The following SGCG variants were observed in gnomAD, a reference collection of about 807,000 sequenced individuals.
SGCG encodes sarcoglycan gamma, also known as gamma-sarcoglycan.
A neutral mutation model predicts 29.3 loss-of-function variants in SGCG; 26 were observed. That is an observed-to-expected ratio of 0.89 (90% CI 0.65 to 1.23). SGCG has a LOEUF of 1.23. SGCG is among the 50% of genes most tolerant of loss of function. The pLI is 0.00. For missense variants in SGCG, 353 were observed against 356.0 expected, an observed-to-expected ratio of 0.99 and a Z score of 0.07; for synonymous variants, 145 against 129.7, an observed-to-expected ratio of 1.12 and a Z score of -0.80.
intron 1 of SGCG, among the ~76,000 whole-genome samples, chr13:23,187,909 G>C (rs1877057341): frequency 6.6e-6 from 1 of 152,208 alleles, no homozygotes; most frequent in Admixed American, 6.5e-5. Context: ...GGCATGGCCT[G>C]ATTCCAAACT....
At chr13:23,188,133 G>A (rs578196) in intron 1 of SGCG, among the ~76,000 whole-genome samples, 117,923 of 151,980 alleles carry the variant, frequency 0.78, 46,483 homozygotes, top group East Asian at 0.93. Flanking sequence ...AAGTGGTCTA[G>A]GAGGCATCAT....
At position 23,235,082 on chromosome 13, in the gene SGCG, G is replaced by A. The variant is rs184754205; in HGVS notation, c.297+370G>A. On this transcript the variant is annotated intron_variant, in intron 3 of 7. Coordinates refer to ENST00000218867, the MANE Select transcript of SGCG (RefSeq NM_000231.3). The stretch of plus-strand genomic sequence containing the variant: ...ATCTAAGAAGCTTAGAAAGAAATTC[G>A]TTTCAGCTGGGCGCGGTGGCTCACG... 4.2e-3 allele frequency among the ~76,000 whole-genome samples: 645 copies of A among 152,242 alleles called. 1 individual carries two copies. The highest frequency in any genetic ancestry group is 7.3e-3 in the South Asian group (35 of 4,822).
At position 23,277,674 on chromosome 13, in the gene SGCG, A is replaced by G. The variant is rs56886634; in HGVS notation, c.386-1685A>G. 9.0e-3 allele frequency among the ~76,000 whole-genome samples: 1,357 copies of G among 151,324 alleles called. 20 individuals are homozygous for G. The highest frequency in any genetic ancestry group is 0.031 in the African/African-American group (1,268 of 41,244). On this transcript the variant is annotated intron_variant, in intron 4 of 7. Coordinates refer to ENST00000218867, the MANE Select transcript of SGCG (RefSeq NM_000231.3). ...GGACACACACAAAAAAAATTATAAC[A>G]TATGACTTATTTTCTCAACTTCCTT...
rs1367811510 is a variant in SGCG, at chr13:23,234,596, T to C, written c.196-15T>C. 10 of 1,544,568 alleles carry C rather than the reference T, an allele frequency of 6.5e-6. No homozygotes were observed. The highest frequency in any genetic ancestry group is 8.0e-6 in the Non-Finnish European group (9 of 1,119,784). ...AATAAAAATATACGCATTGTCTCTT[T>C]TTTTTTTTTAACAGGCAGGAATGGG... On this transcript the variant is annotated splice_polypyrimidine_tract_variant and intron_variant, in intron 2 of 7. Transcript: ENST00000218867.
intron 2 of SGCG, among the ~76,000 whole-genome samples, chr13:23,229,021 C>T (rs1247393701): frequency 1.3e-5 from 2 of 152,158 alleles, no homozygotes; most frequent in Non-Finnish European, 2.9e-5. Context: ...AGGCATGCGC[C>T]ACCACACCCA....
intron 4 of SGCG, among the ~76,000 whole-genome samples, chr13:23,265,549 G>T (rs568806227): frequency 4.1e-4 from 63 of 152,266 alleles, no homozygotes; most frequent in Non-Finnish European, 8.2e-4. Context: ...CTGCACTCCA[G>T]CCTGGAGACA....
upstream of SGCG, among the ~76,000 whole-genome samples, chr13:23,180,669 G>GT (rs1346725958): frequency 1.4e-4 from 22 of 152,260 alleles, no homozygotes; most frequent in Admixed American, 7.2e-4. Context: ...TTGAGGTAAA[G>GT]TTTTTTTAAG....
At chr13:23,171,752 T>C in the SGCG span, among the ~76,000 whole-genome samples, 2 of 152,060 alleles carry the variant, frequency 1.3e-5, no homozygotes, top group South Asian at 2.1e-4. Flanking sequence ...CACAATAGGG[T>C]TCACACTCCT....
intron 2 of SGCG, among the ~76,000 whole-genome samples, chr13:23,223,785 G>C (rs758301532): frequency 1.3e-3 from 198 of 152,026 alleles, no homozygotes; most frequent in Middle Eastern, 3.4e-3. Context: ...GACCAACATG[G>C]TGAAACCCCG....
At position 23,320,618 on chromosome 13, in the gene SGCG, C is replaced by CTT; in HGVS notation, c.579-18_579-17dup. 2 of 928,552 alleles carry CTT rather than the reference C, an allele frequency of 2.2e-6. No individual in the cohort carries two copies. Among genetic ancestry groups the CTT allele is most frequent in the Admixed American group, 3.1e-5 (1 of 32,146 alleles). 57.5% of individuals were successfully genotyped at this position (928,552 alleles called of 1,614,324 possible). A position where few individuals can be genotyped will look rare whatever the true frequency, so the allele number is the denominator to read the frequency against. ...AATACTTTTTTTTTTTTTTTTTGTG[C>CTT]TTCTTTTCCTCATCTCAGATTAGAA... On this transcript the variant is annotated intron_variant, in intron 6 of 7. Transcript: ENST00000218867.
At chr13:23,177,525 T>G (rs1052734583), upstream of SGCG, among the ~76,000 whole-genome samples, 5 of 150,354 alleles carry the variant, frequency 3.3e-5, no homozygotes, top group African/African-American at 4.9e-5. Context: ...TATGTGTCCG[T>G]TTTTTTTTAA....
chr13:23,231,924 G>A (rs942441145), intron 2 of SGCG, among the ~76,000 whole-genome samples: 2 of 152,098 alleles, frequency 1.3e-5, no homozygotes, highest in Non-Finnish European at 2.9e-5. Flanking sequence ...TTCAGGACCA[G>A]CCTGGCCAAC....
intron 6 of SGCG, among the ~76,000 whole-genome samples, chr13:23,309,298 A>G (rs905443030): frequency 6.6e-5 from 10 of 152,284 alleles, no homozygotes; most frequent in Admixed American, 5.2e-4. Flanking sequence ...TATATTGTCC[A>G]GGCTGGCCTT....
chr13:23,239,707 T>C (rs565315925), intron 3 of SGCG, among the ~76,000 whole-genome samples: 98 of 152,310 alleles, frequency 6.4e-4, no homozygotes, highest in Admixed American at 2.6e-3. Flanking sequence ...CAGAAAAAGA[T>C]AGAGGTACTG....
Position 23,181,136 on chromosome 13 carries a change from C to T in SGCG, c.-1+61C>T, listed in dbSNP as rs964466063. 22 of 152,230 alleles carry T rather than the reference C, an allele frequency of 1.4e-4. No homozygotes were observed. In the East Asian group the frequency reaches 3.7e-3, roughly 25 times the overall value. The allele number at this position is 152,230 out of a possible 1,614,324, so 9.4% of individuals were successfully genotyped here. ...TACAAAGTACTACCTAAAAACCAAA[C>T]GCTTAAGAGGTTTCTTAATATTCTT... On this transcript the variant is annotated intron_variant, in intron 1 of 7. Coordinates refer to ENST00000218867, the MANE Select transcript of SGCG (RefSeq NM_000231.3).
intron 6 of SGCG, among the ~76,000 whole-genome samples, chr13:23,310,890 T>C (rs927388246): frequency 2.0e-5 from 3 of 152,228 alleles, no homozygotes; most frequent in African/African-American, 7.2e-5. Context: ...CAAACTTCCC[T>C]TTCATTGTGG....
chr13:23,198,873 C>G lies in SGCG; in HGVS notation c.1-4822C>G, dbSNP rs530623521. Among the ~76,000 whole-genome samples, 27 of 147,448 alleles carry G rather than the reference C, an allele frequency of 1.8e-4. No individual in the cohort carries two copies. The East Asian group carries it at 3.8e-3, about 21-fold the overall frequency. On this transcript the variant is annotated intron_variant, in intron 1 of 7. Coordinates refer to ENST00000218867, the MANE Select transcript of SGCG (RefSeq NM_000231.3). ...AAAAAAAAAAAAAAAATTTGGGAGG[C>G]CGAGGCAGGCGGATCACGAGGTCAG...
intron 6 of SGCG, among the ~76,000 whole-genome samples, chr13:23,296,762 T>TTA (rs1225738305): frequency 2.0e-5 from 3 of 152,184 alleles, no homozygotes; most frequent in Admixed American, 6.5e-5. Flanking sequence ...ACCCTGAATA[T>TTA]ATAAAAATCA....
In SGCG at chr13:23,322,760, ACCCATCCACCTCCCCCCCCCCCCC is replaced by A. The variant is rs1447687559; in HGVS notation, c.703-1604_703-1581del. Among the ~76,000 whole-genome samples the A allele has an allele frequency of 7.2e-5, 4 of 55,788 alleles. 1 individual carries two copies. The highest frequency in any genetic ancestry group is 1.3e-4 in the Non-Finnish European group (4 of 30,536). The allele number at this position is 55,788 out of a possible 152,430, so 36.6% of individuals were successfully genotyped here. ...TGCGGCGATGCACAGACCGCCCCCCACCCATCCACCTCCCCCCCCCCCCCCCCCCGCCAACAGGTGTAACGTGGT... is the reference window on the plus strand; with the variant it reads ...TGCGGCGATGCACAGACCGCCCCCCACCCCCGCCAACAGGTGTAACGTGGT... On this transcript the variant is annotated intron_variant, in intron 7 of 7. Coordinates refer to ENST00000218867, the MANE Select transcript of SGCG (RefSeq NM_000231.3).
Sources: allele counts gnomAD v4.1 joint callset (sites outside exome capture counted in the v4.1 genomes callset), GRCh38; gene constraint gnomAD v4.1.1; transcripts MANE v1.5; gene names NCBI Gene and HGNC (gene_info 2026-07-23, HGNC 2026-07-21).